The following HPSE2 variants were observed in gnomAD, a reference collection of about 807,000 sequenced individuals.
HPSE2 encodes inactive heparanase-2.
In HPSE2, 38 loss-of-function variants were observed where a neutral mutation model predicts 60.5. That is an observed-to-expected ratio of 0.63 (90% CI 0.48 to 0.82). The LOEUF is 0.82. Ranked by LOEUF, HPSE2 falls within the 40% of genes least tolerant of loss-of-function variation. The pLI is 0.00. For missense variants in HPSE2, 713 were observed against 740.4 expected (o/e 0.96, Z 0.43); for synonymous variants, 295 against 293.2 (o/e 1.01, Z -0.06).
At chr10:99,178,888 G>A (rs559472692) in intron 2 of HPSE2, among the ~76,000 whole-genome samples, 14 of 152,180 alleles carry the variant, frequency 9.2e-5, no homozygotes, top group Admixed American at 3.9e-4. Context: ...CCGGCAAACC[G>A]AATCCAGCAG....
chr10:99,075,832 C>A (rs1842935975), intron 3 of HPSE2, among the ~76,000 whole-genome samples: 1 of 151,980 alleles, frequency 6.6e-6, no homozygotes, highest in South Asian at 2.1e-4. Context: ...TCTTATATAG[C>A]CACTCTGCTC....
At chr10:98,512,445 C>T (rs910052352) in intron 9 of HPSE2, among the ~76,000 whole-genome samples, 30 of 152,042 alleles carry the variant, frequency 2.0e-4, no homozygotes, top group African/African-American at 6.8e-4. Flanking sequence ...ATTAGCCGGG[C>T]GTGGTAGCGG....
chr10:98,900,073 ACTC>A (rs1953622843), intron 3 of HPSE2, among the ~76,000 whole-genome samples: 1 of 151,898 alleles, frequency 6.6e-6, no homozygotes, highest in Non-Finnish European at 1.5e-5. Context: ...CAGCCATTCT[ACTC>A]CTAGGTATTT....
chr10:98,640,053 A>AATATTAC (rs992249158), intron 7 of HPSE2, among the ~76,000 whole-genome samples: 1 of 152,236 alleles, frequency 6.6e-6, no homozygotes, highest in African/African-American at 2.4e-5. Flanking sequence ...TCTAGAGGGC[A>AATATTAC]ATATGTAATA....
At chr10:98,588,210 T>C (rs1056268906) in intron 9 of HPSE2, among the ~76,000 whole-genome samples, 1 of 152,192 alleles carries the variant, frequency 6.6e-6, no homozygotes, top group Non-Finnish European at 1.5e-5. Context: ...TCTGACATAA[T>C]ATTTCACTAG....
At chr10:99,151,289 C>G (rs1242908655) in intron 2 of HPSE2, among the ~76,000 whole-genome samples, 1 of 150,004 alleles carries the variant, frequency 6.7e-6, no homozygotes, top group Non-Finnish European at 1.5e-5. Context: ...ATAGAAATGA[C>G]CTAACCTGAA....
intron 6 of HPSE2, among the ~76,000 whole-genome samples, chr10:98,645,292 T>C (rs1248970243): frequency 6.6e-6 from 1 of 152,152 alleles, no homozygotes; most frequent in Non-Finnish European, 1.5e-5. Context: ...CAGAGAAAAG[T>C]TGAGACAAGA....
At chr10:98,949,254 A>ACACACACACACACACGCGTG in intron 3 of HPSE2, among the ~76,000 whole-genome samples, 1 of 10,328 alleles carries the variant, frequency 9.7e-5, no homozygotes, top group African/African-American at 2.5e-4. Context: ...ATGCGTGCAC[A>ACACACACACACACACGCGTG]CACACACACA....
intron 6 of HPSE2, among the ~76,000 whole-genome samples, chr10:98,685,005 C>T (rs1266420533): frequency 6.6e-6 from 1 of 151,962 alleles, no homozygotes; most frequent in Non-Finnish European, 1.5e-5. Context: ...AGGTTCTTTA[C>T]CCATATTTTA....
chr10:99,196,265 C>T (rs1192692250), intron 2 of HPSE2, among the ~76,000 whole-genome samples: 1 of 152,006 alleles, frequency 6.6e-6, no homozygotes, highest in African/African-American at 2.4e-5. Context: ...TAAAAGGAAA[C>T]ATTGCAGAAA....
intron 5 of HPSE2, among the ~76,000 whole-genome samples, chr10:98,701,636 A>G (rs1323630453): frequency 9.7e-6 from 1 of 103,068 alleles, no homozygotes; most frequent in Non-Finnish European, 2.2e-5. Context: ...AACTTAAAGT[A>G]TAATAATAAT....
intron 9 of HPSE2, among the ~76,000 whole-genome samples, chr10:98,537,697 C>T (rs1362318245): frequency 1.3e-5 from 2 of 152,066 alleles, no homozygotes; most frequent in South Asian, 4.1e-4. Context: ...GGAAGGCACC[C>T]GTTACTTAGC....
intron 7 of HPSE2, among the ~76,000 whole-genome samples, chr10:98,640,533 A>C (rs368982952): frequency 5.3e-5 from 8 of 152,332 alleles, no homozygotes; most frequent in African/African-American, 1.7e-4. Flanking sequence ...CCTCCACTTT[A>C]GCTCTCAAAA....
At chr10:98,600,735 G>GTA (rs1945373441) in intron 9 of HPSE2, among the ~76,000 whole-genome samples, 1 of 148,486 alleles carries the variant, frequency 6.7e-6, no homozygotes, top group South Asian at 2.1e-4. Context: ...GGATATATAT[G>GTA]TATATACATA....
At chr10:98,804,103 T>C (rs1037517217) in intron 3 of HPSE2, among the ~76,000 whole-genome samples, 1 of 152,156 alleles carries the variant, frequency 6.6e-6, no homozygotes, top group Non-Finnish European at 1.5e-5. Flanking sequence ...GGGAGTTCAC[T>C]CATGATTTGG....
At chr10:98,497,462 C>G (rs544926832) in intron 9 of HPSE2, among the ~76,000 whole-genome samples, 8 of 152,092 alleles carry the variant, frequency 5.3e-5, no homozygotes, top group Admixed American at 1.3e-4. Context: ...ATTTTCTATT[C>G]TCTTCCACTG....
At chr10:99,098,311 A>T (rs2862511) in intron 3 of HPSE2, among the ~76,000 whole-genome samples, 2,404 of 152,322 alleles carry the variant, frequency 0.016, 27 homozygotes, top group Admixed American at 0.025. Context: ...GTAAATCTAG[A>T]TGTGTGTAGG....
intron 4 of HPSE2, among the ~76,000 whole-genome samples, chr10:98,736,893 T>TG (rs1949371565): frequency 6.6e-6 from 1 of 152,184 alleles, no homozygotes; most frequent in Non-Finnish European, 1.5e-5. Context: ...ATTTTGCAGG[T>TG]GCTCCACACA....
chr10:98,818,799 G>A (rs1021819926), intron 3 of HPSE2, among the ~76,000 whole-genome samples: 1 of 152,158 alleles, frequency 6.6e-6, no homozygotes, highest in Non-Finnish European at 1.5e-5. Context: ...ATCTATCCAA[G>A]TGGCTTTTAA....
Sources: gnomAD v4.1 joint callset for allele counts (sites outside exome capture counted in the v4.1 genomes callset) on GRCh38, gnomAD v4.1.1 for gene constraint, MANE v1.5 for transcripts, NCBI Gene and HGNC (gene_info 2026-07-23, HGNC 2026-07-21) for gene names.